EOGT: variants seen among roughly 807,000 people sequenced by gnomAD.
EOGT encodes the protein EGF domain-specific O-linked N-acetylglucosamine transferase.
A neutral mutation model predicts 70.5 loss-of-function variants in EOGT; 55 were observed. The ratio of observed to expected loss-of-function variants is 0.78; its 90% CI spans 0.63 to 0.98. The LOEUF is 0.98. EOGT is among the 50% of genes least tolerant of loss of function. The pLI is 0.00. For missense variants in EOGT, 703 were observed against 641.9 expected (o/e 1.10, Z -1.03); for synonymous variants, 246 against 217.1 (o/e 1.13, Z -1.17).
chr3:69,012,332 C>G (rs2091596439), intron 2 of EOGT, 183 bp downstream of exon 2: 2 of 152,260 alleles, frequency 1.3e-5, no homozygotes, highest in South Asian at 4.1e-4. Flanking sequence ...ATTCTCACAG[C>G]AGTAATCCCA....
rs1484207751 is a variant in EOGT, at chr3:69,001,887, T to C, written c.621-173A>G. On this transcript the variant is annotated intron_variant, in intron 8 of 17. Transcript: ENST00000383701. ...TGACTTTTATATAGGTTGATATCAA[T>C]TTTAATGTTAAGACAAGGAACAGAC... is the stretch of plus-strand genomic sequence containing the variant. 2.6e-5 allele frequency among the ~76,000 whole-genome samples: 4 copies of C among 152,168 alleles called. No individual in the cohort carries two copies. In the East Asian group the frequency reaches 7.7e-4, roughly 29 times the overall value.
intron 17 of EOGT, among the ~76,000 whole-genome samples, 174 bp downstream of exon 17, chr3:68,978,159 T>C (rs1350222185): frequency 6.6e-6 from 1 of 152,220 alleles, no homozygotes; most frequent in Non-Finnish European, 1.5e-5. Flanking sequence ...AAGATATAGG[T>C]TGCTTAATTC....
chr3:69,008,529 C>G lies in EOGT; in HGVS notation c.211-1G>C. On this transcript the variant is annotated splice_acceptor_variant, in intron 4 of 17. Coordinates refer to ENST00000383701, the MANE Select transcript of EOGT (RefSeq NM_001278689.2). LOFTEE classifies it high-confidence loss of function. ...AGTACTTTAGCTTCTCTAGGTGTTT[C>G]TAGAACATAAAACTTACATTGATTT... The G allele has an allele frequency of 6.2e-7, 1 of 1,608,672 alleles. No individual in the cohort carries two copies. Among genetic ancestry groups the G allele is most frequent in the Non-Finnish European group, 8.5e-7 (1 of 1,175,314 alleles).
intron 15 of EOGT, 32 bp from the exon 16 acceptor site, chr3:68,979,819 G>A (rs1337905273): frequency 3.7e-6 from 6 of 1,606,578 alleles, no homozygotes; most frequent in Non-Finnish European, 3.4e-6. Flanking sequence ...TGAGAGAGAT[G>A]GGGAGAAGAG....
At chr3:68,984,471 A>G (rs1575718350) in intron 14 of EOGT, among the ~76,000 whole-genome samples, 2 of 152,202 alleles carry the variant, frequency 1.3e-5, no homozygotes, top group Admixed American at 6.5e-5. Flanking sequence ...AGGTGGCCCT[A>G]TCCCTTCCGA....
intron 6 of EOGT, among the ~76,000 whole-genome samples, chr3:69,006,948 A>G (rs532852539): frequency 6.6e-6 from 1 of 152,380 alleles, no homozygotes; most frequent in South Asian, 2.1e-4. Flanking sequence ...AGTATCTGCT[A>G]TAACGCTTAT....
intron 15 of EOGT, among the ~76,000 whole-genome samples, chr3:68,982,221 A>T (rs566624447): frequency 6.6e-6 from 1 of 152,242 alleles, no homozygotes; most frequent in Admixed American, 6.5e-5. Context: ...CCAATTTTTT[A>T]AAATTATGAA....
At chr3:69,002,007 C>T (rs559360976) in intron 8 of EOGT, among the ~76,000 whole-genome samples, 5 of 152,272 alleles carry the variant, frequency 3.3e-5, no homozygotes, top group East Asian at 1.9e-4. Context: ...CTGGTCAACA[C>T]GGTGAAACCC....
intron 10 of EOGT, among the ~76,000 whole-genome samples, chr3:68,992,679 G>A (rs2091028409): frequency 6.6e-6 from 1 of 152,220 alleles, no homozygotes; most frequent in Non-Finnish European, 1.5e-5. Flanking sequence ...TAAGGACTCT[G>A]TTTGGGGGCT....
At chr3:69,008,294 T>C (rs909886092) in intron 5 of EOGT, 134 bp downstream of exon 5, 2 of 689,220 alleles carry the variant, frequency 2.9e-6, no homozygotes, top group East Asian at 2.5e-5. Context: ...GTTGAATTCA[T>C]GACTGTGCAA....
At chr3:68,987,249 G>C (rs1047194077) in intron 14 of EOGT, among the ~76,000 whole-genome samples, 196 bp downstream of exon 14, 1 of 152,148 alleles carries the variant, frequency 6.6e-6, no homozygotes, top group East Asian at 1.9e-4. Flanking sequence ...ATAAGGCAAA[G>C]CTAGTTTGTC....
At chr3:68,983,630 T>C (rs2090716570) in intron 14 of EOGT, among the ~76,000 whole-genome samples, 1 of 152,228 alleles carries the variant, frequency 6.6e-6, no homozygotes, top group African/African-American at 2.4e-5. Flanking sequence ...CTGGCATTTC[T>C]AAGAGTGTCG....
intron 15 of EOGT, among the ~76,000 whole-genome samples, chr3:68,982,514 T>C (rs2107163489): frequency 6.6e-6 from 1 of 152,278 alleles, no homozygotes; most frequent in East Asian, 1.9e-4. Flanking sequence ...AGCAAGATTC[T>C]GTCTCAAAAA....
intron 16 of EOGT, among the ~76,000 whole-genome samples, chr3:68,979,150 C>A (rs1027171019): frequency 6.6e-6 from 1 of 152,126 alleles, no homozygotes; most frequent in African/African-American, 2.4e-5. Flanking sequence ...GTGCCAACAG[C>A]AGAATTATTA....
chr3:69,008,356 G>C (rs932282784), intron 5 of EOGT, 72 bp downstream of exon 5: 4 of 1,050,636 alleles, frequency 3.8e-6, no homozygotes, highest in African/African-American at 3.2e-5. Context: ...AATCTAGCTG[G>C]AAATTAGGGC....
intron 9 of EOGT, among the ~76,000 whole-genome samples, chr3:68,999,212 GT>G (rs2091236763): frequency 6.6e-6 from 1 of 152,158 alleles, no homozygotes. Context: ...ACATCTTAAA[GT>G]ACCCATCCCA....
At chr3:69,008,611 AT>A in intron 4 of EOGT, 83 bp from the exon 5 acceptor site, 3 of 885,474 alleles carry the variant, frequency 3.4e-6, no homozygotes, top group Non-Finnish European at 3.7e-6. Context: ...AAAACAAATC[AT>A]TATAGAGCAT....
At chr3:68,985,790 G>GT (rs1172266470) in intron 14 of EOGT, among the ~76,000 whole-genome samples, 1 of 152,170 alleles carries the variant, frequency 6.6e-6, no homozygotes, top group East Asian at 1.9e-4. Flanking sequence ...ATCTGCTGCT[G>GT]TAACAAACTG....
intron 11 of EOGT, 27 bp downstream of exon 11, chr3:68,988,898 C>G: frequency 7.8e-7 from 1 of 1,283,056 alleles, no homozygotes; most frequent in East Asian, 2.5e-5. Flanking sequence ...GAAATATTCA[C>G]AGACATTTCA....
Sources: gnomAD v4.1 joint callset for allele counts (sites outside exome capture counted in the v4.1 genomes callset) on GRCh38, gnomAD v4.1.1 for gene constraint, MANE v1.5 for transcripts, NCBI Gene and HGNC (gene_info 2026-07-23, HGNC 2026-07-21) for gene names.